The following PTPRA variants were observed in gnomAD, a reference collection of about 807,000 sequenced individuals.
PTPRA encodes the protein protein tyrosine phosphatase receptor type A.
A neutral mutation model predicts 104.8 loss-of-function variants in PTPRA; 25 were observed. That is an observed-to-expected ratio of 0.24 (90% CI 0.17 to 0.33). The LOEUF (loss-of-function observed/expected upper bound fraction) is 0.33, where lower values mean the gene tolerates loss of function less well. PTPRA is among the 10% of genes least tolerant of loss of function. PTPRA has a pLI of 1.00. For synonymous variants in PTPRA, 323 were observed against 368.9 expected (o/e 0.88, Z 1.43); for missense variants, 765 against 1,015.3 (o/e 0.75, Z 3.35).
At chr20:2,993,543 A>C (rs1459539476) in intron 9 of PTPRA, among the ~76,000 whole-genome samples, 4 of 152,244 alleles carry the variant, frequency 2.6e-5, no homozygotes, top group African/African-American at 4.8e-5. Flanking sequence ...TGCTTCAAGT[A>C]GTCCACACAA....
chr20:2,882,409 C>A (rs2146842830), intron 1 of PTPRA, among the ~76,000 whole-genome samples: 1 of 151,900 alleles, frequency 6.6e-6, no homozygotes, highest in African/African-American at 2.4e-5. Flanking sequence ...CCTACCTCAG[C>A]CTCTCAAGTA....
At chr20:2,864,878 C>T in the PTPRA span, 48 of 1,524,916 alleles carry the variant, frequency 3.1e-5, no homozygotes, top group South Asian at 1.7e-4. The surrounding 1 kb of genome is among the most constrained non-coding windows in gnomAD (Gnocchi z 5.2). Flanking sequence ...CTGACCCTGG[C>T]GACCCTGGGC....
chr20:2,957,749 T>C (rs1301439901), intron 3 of PTPRA, among the ~76,000 whole-genome samples: 4 of 152,014 alleles, frequency 2.6e-5, no homozygotes, highest in Non-Finnish European at 4.4e-5. Context: ...TCCAATGGCT[T>C]TTATTTTCTT....
At chr20:2,959,584 TAAG>T (rs1035681869) in intron 3 of PTPRA, among the ~76,000 whole-genome samples, 1 of 151,914 alleles carries the variant, frequency 6.6e-6, no homozygotes, top group African/African-American at 2.4e-5. Flanking sequence ...CTTAGAGAAA[TAAG>T]AAAAAATAAA....
chr20:2,910,633 G>T (rs1236889854), intron 1 of PTPRA, among the ~76,000 whole-genome samples: 1 of 122,476 alleles, frequency 8.2e-6, no homozygotes, highest in Non-Finnish European at 1.6e-5. Flanking sequence ...TTTTAAGACG[G>T]AGTCTCGCTG....
intron 9 of PTPRA, 42 bp downstream of exon 9, chr20:2,988,516 GCAGACCTAAAGT>G (rs2063003920): frequency 8.7e-6 from 14 of 1,600,490 alleles, no homozygotes; most frequent in Non-Finnish European, 1.2e-5. Flanking sequence ...AGGGAAGAAG[GCAGACCTAAAGT>G]CAGACCTTTC....
At chr20:2,904,978 A>T (rs1471178299) in intron 1 of PTPRA, among the ~76,000 whole-genome samples, 3 of 152,174 alleles carry the variant, frequency 2.0e-5, no homozygotes, top group Non-Finnish European at 4.4e-5. Flanking sequence ...GCCACAGACC[A>T]TCCTGTTAGG....
chr20:2,870,876 G>A (rs146967949), upstream of PTPRA, among the ~76,000 whole-genome samples: 1 of 152,172 alleles, frequency 6.6e-6, no homozygotes, highest in Non-Finnish European at 1.5e-5. Flanking sequence ...TCCCCCATTT[G>A]GGTAGGCTTG....
At chr20:2,957,403 C>T (rs181028167) in intron 3 of PTPRA, among the ~76,000 whole-genome samples, 1 of 152,288 alleles carries the variant, frequency 6.6e-6, no homozygotes, top group Admixed American at 6.5e-5. Flanking sequence ...TGTTTCATAT[C>T]GTTTACCCAT....
chr20:3,013,392 A>ATT, intron 11 of PTPRA, among the ~76,000 whole-genome samples: 1 of 149,552 alleles, frequency 6.7e-6, no homozygotes, highest in South Asian at 2.1e-4. Flanking sequence ...TTCCTTACTC[A>ATT]TTTTTAGATG....
chr20:2,969,955 GC>G (rs1243862122), intron 5 of PTPRA, among the ~76,000 whole-genome samples: 1 of 137,722 alleles, frequency 7.3e-6, no homozygotes, highest in Non-Finnish European at 1.5e-5. Context: ...GGGCAACAGA[GC>G]AAGACTCTCT....
In PTPRA at chr20:2,941,091, C is replaced by T. The variant is rs567871436; in HGVS notation, c.-49-6891C>T. ...TGTCACCCAGGCTGGAGTTCAGTGG[C>T]GCGATCTCAACTCACTGCAACCTCT... is the stretch of plus-strand genomic sequence containing the variant. On this transcript the variant is annotated intron_variant, in intron 2 of 23. Transcript: ENST00000399903. Among the ~76,000 whole-genome samples, 351 of 151,904 alleles carry T rather than the reference C, an allele frequency of 2.3e-3. 2 individuals are homozygous for T. Among genetic ancestry groups the T allele is most frequent in the Non-Finnish European group, 3.7e-3 (252 of 67,988 alleles).
At chr20:3,032,506 G>GC (rs1407099145) in intron 20 of PTPRA, among the ~76,000 whole-genome samples, 1 of 152,140 alleles carries the variant, frequency 6.6e-6, no homozygotes. Flanking sequence ...GGTGGCTCAC[G>GC]CCTGTAATCC....
chr20:2,994,966 C>T (rs1479609718), intron 9 of PTPRA, among the ~76,000 whole-genome samples: 3 of 152,076 alleles, frequency 2.0e-5, no homozygotes, highest in East Asian at 1.9e-4. Flanking sequence ...CCTGTCTCTA[C>T]TAAAAATACA....
At chr20:2,927,033 C>A (rs185949755) in intron 2 of PTPRA, among the ~76,000 whole-genome samples, 1 of 151,632 alleles carries the variant, frequency 6.6e-6, no homozygotes, top group Non-Finnish European at 1.5e-5. Flanking sequence ...TCAAGTGATC[C>A]GCCCGCCTCG....
intron 3 of PTPRA, among the ~76,000 whole-genome samples, chr20:2,958,149 AG>A (rs1945372670): frequency 6.6e-6 from 1 of 152,116 alleles, no homozygotes; most frequent in Non-Finnish European, 1.5e-5. Flanking sequence ...AGAATTAGAG[AG>A]GGGTTCAAGA....
At chr20:2,898,851 C>T (rs1568644181) in intron 1 of PTPRA, among the ~76,000 whole-genome samples, 3 of 151,898 alleles carry the variant, frequency 2.0e-5, no homozygotes, top group Non-Finnish European at 4.4e-5. Flanking sequence ...GGGCGAGACT[C>T]CGTCTCAAAA....
At chr20:3,001,386 G>T (rs576078619) in intron 9 of PTPRA, among the ~76,000 whole-genome samples, 5 of 152,318 alleles carry the variant, frequency 3.3e-5, no homozygotes, top group East Asian at 3.9e-4. Context: ...GACTGAGGGA[G>T]CTAGGGATGC....
chr20:2,935,012 A>C (rs2060639940), intron 2 of PTPRA, among the ~76,000 whole-genome samples: 2 of 152,072 alleles, frequency 1.3e-5, no homozygotes, highest in African/African-American at 4.8e-5. Flanking sequence ...TGTTCAATAA[A>C]AATAACATAT....
Sources: allele counts gnomAD v4.1 joint callset (sites outside exome capture counted in the v4.1 genomes callset), GRCh38; gene constraint gnomAD v4.1.1; non-coding constraint Gnocchi (gnomAD v3.1); transcripts MANE v1.5; gene names NCBI Gene and HGNC (gene_info 2026-07-23, HGNC 2026-07-21).